JARID2: variants seen among roughly 807,000 people sequenced by gnomAD.
JARID2 encodes jumonji and AT-rich interaction domain containing 2.
In JARID2, 21 loss-of-function variants were observed where a neutral mutation model predicts 125.6. That is an observed-to-expected ratio of 0.17 (90% confidence interval 0.12 to 0.24). The LOEUF (loss-of-function observed/expected upper bound fraction) is 0.24, where lower values mean the gene tolerates loss of function less well. Among genes scored for constraint, JARID2 ranks in the 10% least tolerant of loss-of-function variants. The pLI, the probability that JARID2 is intolerant of heterozygous loss-of-function variation, is 1.00. For missense variants in JARID2, 1,303 were observed against 1,639.6 expected (o/e 0.79, Z 3.55); for synonymous variants, 736 against 661.6 (o/e 1.11, Z -1.73).
Position 15,496,956 on chromosome 6 carries a change from C to A in JARID2, c.1731C>A (p.Val577=), listed in dbSNP as rs776309659. The A allele has an allele frequency of 7.4e-6, 12 of 1,610,830 alleles. No individual in the cohort carries two copies. Among genetic ancestry groups the A allele is most frequent in the Admixed American group, 3.3e-5 (2 of 59,906 alleles). The change falls in exon 7 of 18, where the codon GTC becomes GTA. Residue 577 remains valine, a synonymous_variant. Transcript: ENST00000341776. ...ATCCGCTCATCTACATCGAGTCGGT[C>A]CGCGCTCAGGTGGAGAAGTTCGGGA... The part of the protein sequence containing the change: ...FHDPLIYIES[V]RAQVEKFGMC...
chr6:15,445,028 A>G (rs1186631451), intron 3 of JARID2, among the ~76,000 whole-genome samples: 1 of 152,068 alleles, frequency 6.6e-6, no homozygotes, highest in African/African-American at 2.4e-5. Flanking sequence ...CTGGACAGAA[A>G]TAGGATTTAA....
rs775893686 is a variant in JARID2 at position 15,496,842 on chromosome 6, G to GGGCAAGGCCGAGAAGGGCGGC, written c.1628_1648dup (p.Glu543_Ala549dup). On this transcript the variant is annotated inframe_insertion, in exon 7 of 18. Transcript: ENST00000341776. ...AGTCCGTGCACAAGCCGCAGGACTCGGGCAAGGCCGAGAAGGGCGGCGGCA... is the reference window on the plus strand; with the variant it reads ...AGTCCGTGCACAAGCCGCAGGACTCGGGCAAGGCCGAGAAGGGCGGCGGCAAGGCCGAGAAGGGCGGCGGCA... The GGGCAAGGCCGAGAAGGGCGGC allele has an allele frequency of 1.2e-6, 2 of 1,602,174 alleles. No individual in the cohort carries two copies. The highest frequency in any genetic ancestry group is 1.7e-6 in the Non-Finnish European group (2 of 1,172,184).
intron 1 of JARID2, among the ~76,000 whole-genome samples, chr6:15,285,545 A>G (rs1056535551): frequency 1.3e-5 from 2 of 152,102 alleles, no homozygotes; most frequent in Non-Finnish European, 2.9e-5. Context: ...CTTAAAAATG[A>G]CAAATAAGGA....
Position 15,496,223 on chromosome 6 carries a change from C to A in JARID2, c.998C>A (p.Ser333Tyr). 6.2e-7 allele frequency: 1 copy of A among 1,614,136 alleles called. No homozygotes were observed. Among genetic ancestry groups the A allele is most frequent in the Non-Finnish European group, 8.5e-7 (1 of 1,180,020 alleles). ...KKMREVRPSP[S>Y]KTVKYTATVT... ...ATGCGCGAGGTCAGACCTTCACCAT[C>A]CAAAACTGTGAAGTACACTGCCACG... Residue 333 changes from serine (S) to tyrosine (Y), a missense_variant, in exon 7 of 18, where the codon TCC (serine) becomes TAC (tyrosine). Around this residue, in one of 11 missense-constraint regions of JARID2, gnomAD observed 651 missense variants for 581.6 expected, o/e 1.12. Coordinates refer to ENST00000341776, the MANE Select transcript of JARID2 (RefSeq NM_004973.4).
intron 1 of JARID2, among the ~76,000 whole-genome samples, chr6:15,307,827 G>A (rs969354396): frequency 1.3e-5 from 2 of 152,308 alleles, no homozygotes; most frequent in East Asian, 1.9e-4. Flanking sequence ...GGATAGCAGA[G>A]CCTAGTTTCA....
intron 3 of JARID2, among the ~76,000 whole-genome samples, chr6:15,450,499 G>A (rs1373507455): frequency 6.6e-6 from 1 of 152,156 alleles, no homozygotes; most frequent in African/African-American, 2.4e-5. Flanking sequence ...TAATTGTCTT[G>A]AGTGGCATTG....
intron 1 of JARID2, among the ~76,000 whole-genome samples, chr6:15,309,679 G>A (rs897275578): frequency 1.3e-5 from 2 of 151,396 alleles, no homozygotes; most frequent in Non-Finnish European, 1.5e-5. Flanking sequence ...GTGTGTGTGT[G>A]TGTGTATATA....
rs747451281 is a variant in JARID2 at position 15,512,194 on chromosome 6, C to T, written c.2953-14C>T. ...CACAGGGAGGGGTGCCTCAGCCTGG[C>T]CCTGTCTCCCCAGATCTCCCCGGAG... On this transcript the variant is annotated splice_polypyrimidine_tract_variant and intron_variant, in intron 13 of 17. Coordinates refer to ENST00000341776, the MANE Select transcript of JARID2 (RefSeq NM_004973.4). The T allele has an allele frequency of 1.8e-5, 29 of 1,610,652 alleles. No homozygotes were observed. The highest frequency in any genetic ancestry group is 2.4e-5 in the Non-Finnish European group (28 of 1,177,758).
rs1309409934 is a variant in JARID2, at chr6:15,247,533, C to T, written c.45+949C>T. The T allele has an allele frequency of 2.4e-4, 196 of 809,684 alleles. No homozygotes were observed. The African/African-American group carries it at 3.1e-3, about 13-fold the overall frequency. The allele number at this position is 809,684 out of a possible 1,614,324, so 50.2% of individuals were successfully genotyped here. On this transcript the variant is annotated intron_variant, in intron 1 of 17. Coordinates refer to ENST00000341776, the MANE Select transcript of JARID2 (RefSeq NM_004973.4). ...GCTGCATGCTTTAAATTAAATAACT[C>T]TTTTTTTTTTTCAAAAAAGGCCAAA...
chr6:15,253,269 T>C (rs1304477756), intron 1 of JARID2, among the ~76,000 whole-genome samples: 3 of 152,184 alleles, frequency 2.0e-5, no homozygotes, highest in Non-Finnish European at 4.4e-5. Flanking sequence ...TTCACTATGT[T>C]GGCCAGGCTG....
At chr6:15,426,032 A>C (rs2127593715) in intron 3 of JARID2, among the ~76,000 whole-genome samples, 1 of 152,238 alleles carries the variant, frequency 6.6e-6, no homozygotes, top group Admixed American at 6.5e-5. Flanking sequence ...TAATGCAGGG[A>C]AACAGGCCTG....
At chr6:15,380,097 G>A (rs1020887936) in intron 2 of JARID2, among the ~76,000 whole-genome samples, 7 of 151,580 alleles carry the variant, frequency 4.6e-5, no homozygotes, top group South Asian at 4.2e-4. Context: ...GTGTAATGGC[G>A]CAATCTCTGC....
intron 1 of JARID2, among the ~76,000 whole-genome samples, chr6:15,308,939 GGTGGAAATC>G (rs1761923867): frequency 6.6e-6 from 1 of 152,186 alleles, no homozygotes; most frequent in African/African-American, 2.4e-5. Context: ...TCCCCTGCAG[GGTGGAAATC>G]GTAGTAGTTG....
intron 1 of JARID2, among the ~76,000 whole-genome samples, chr6:15,337,516 A>T (rs1006485869): frequency 6.6e-6 from 1 of 152,118 alleles, no homozygotes; most frequent in African/African-American, 2.4e-5. Context: ...CCATGGTGGT[A>T]GCTGAGACCC....
intron 1 of JARID2, among the ~76,000 whole-genome samples, chr6:15,366,514 G>A (rs1763981473): frequency 1.5e-5 from 2 of 133,560 alleles, no homozygotes; most frequent in African/African-American, 3.1e-5. Context: ...GGGGGCGGGG[G>A]GGGCGGGGGG....
intron 1 of JARID2, among the ~76,000 whole-genome samples, chr6:15,289,454 A>G (rs1761123918): frequency 6.6e-6 from 1 of 152,146 alleles, no homozygotes; most frequent in Admixed American, 6.5e-5. Flanking sequence ...GCTGGTCTCA[A>G]ACTCCTGGGC....
At chr6:15,485,468 C>T (rs1460628940) in intron 5 of JARID2, among the ~76,000 whole-genome samples, 1 of 152,190 alleles carries the variant, frequency 6.6e-6, no homozygotes, top group Non-Finnish European at 1.5e-5. Flanking sequence ...ATCTGGAGAT[C>T]TACTGGACAG....
At chr6:15,467,621 T>C (rs1214069869) in intron 4 of JARID2, among the ~76,000 whole-genome samples, 1 of 151,882 alleles carries the variant, frequency 6.6e-6, no homozygotes, top group Non-Finnish European at 1.5e-5. Context: ...GCAGGAGGAT[T>C]GCTTGAGTCC....
At chr6:15,485,872 A>G (rs1159011523) in intron 5 of JARID2, among the ~76,000 whole-genome samples, 3 of 152,220 alleles carry the variant, frequency 2.0e-5, no homozygotes, top group Non-Finnish European at 4.4e-5. Context: ...ACAGACAGGT[A>G]AGATGTTTAG....
Sources: gnomAD v4.1 joint callset for allele counts (sites outside exome capture counted in the v4.1 genomes callset) on GRCh38, gnomAD v4.1.1 for gene constraint, gnomAD v4.1.1 regional missense constraint, MANE v1.5 for transcripts, NCBI Gene and HGNC (gene_info 2026-07-23, HGNC 2026-07-21) for gene names.